The following PRP4K variants were observed in gnomAD, a reference collection of about 807,000 sequenced individuals.
PRP4K encodes pre-mRNA processing factor kinase PRP4K, also known as serine/threonine-protein kinase PRP4 homolog.
At chr6:4,052,995 A>G in the PRP4K span, 4 of 844,150 alleles carry the variant, frequency 4.7e-6, no homozygotes, top group Non-Finnish European at 5.0e-6. Context: ...TTAATAACCT[A>G]TTTCAAATGA....
chr6:4,032,269 A>G, the PRP4K span: 13 of 1,612,836 alleles, frequency 8.1e-6, no homozygotes, highest in African/African-American at 1.7e-4. Flanking sequence ...TCTCAAGAGA[A>G]AATTGGTAAG....
At chr6:4,027,310 T>G in the PRP4K span, among the ~76,000 whole-genome samples, 1 of 152,178 alleles carries the variant, frequency 6.6e-6, no homozygotes, top group Non-Finnish European at 1.5e-5. Flanking sequence ...CCTTTTATAC[T>G]ATGAACTCAT....
the PRP4K span, chr6:4,060,820 CTG>C: frequency 3.4e-6 from 2 of 593,854 alleles, no homozygotes; most frequent in Non-Finnish European, 5.8e-6. This position sits in a 1 kb window ranked among gnomAD's most constrained non-coding sequence, Gnocchi z 4.7. Flanking sequence ...TCACTGTAGA[CTG>C]TTTTAAATTG....
the PRP4K span, among the ~76,000 whole-genome samples, chr6:4,053,903 T>TTTTTGTTCTG: frequency 1.0e-4 from 15 of 149,506 alleles, no homozygotes; most frequent in African/African-American, 3.7e-4. Context: ...TCTTTTGTTT[T>TTTTTGTTCTG]TTTTGTTTTG....
the PRP4K span, chr6:4,061,590 G>A: frequency 6.6e-6 from 1 of 152,484 alleles, no homozygotes; most frequent in Non-Finnish European, 1.5e-5. Context: ...ACTGCTTTAT[G>A]GTAAAAGTGT....
At chr6:4,022,226 G>C in the PRP4K span, among the ~76,000 whole-genome samples, 11,411 of 141,266 alleles carry the variant, frequency 0.081, 517 homozygotes, top group Non-Finnish European at 0.097. Context: ...GGAGTAGTGG[G>C]AATTGCTAGC....
the PRP4K span, chr6:4,062,465 G>A: frequency 6.6e-6 from 1 of 152,586 alleles, no homozygotes; most frequent in African/African-American, 2.4e-5. The surrounding 1 kb of genome is among the most constrained non-coding windows in gnomAD (Gnocchi z 4.2). Context: ...TAAAATTAAT[G>A]CTTGTCTCCC....
chr6:4,032,968 A>G, the PRP4K span, among the ~76,000 whole-genome samples: 4 of 152,320 alleles, frequency 2.6e-5, no homozygotes, highest in South Asian at 2.1e-4. Context: ...GTGTTTAACA[A>G]ATACTGAGCT....
chr6:4,040,317 A>T, the PRP4K span, among the ~76,000 whole-genome samples: 1 of 152,152 alleles, frequency 6.6e-6, no homozygotes, highest in East Asian at 1.9e-4. Context: ...TTTGACAGAC[A>T]CATAAGTCAC....
At chr6:4,032,286 TCTC>T in the PRP4K span, 1 of 1,613,288 alleles carries the variant, frequency 6.2e-7, no homozygotes, top group Non-Finnish European at 8.5e-7. Context: ...TAAGGCCAGA[TCTC>T]CTACTGATGA....
chr6:4,038,998 C>T, the PRP4K span, among the ~76,000 whole-genome samples: 6 of 145,278 alleles, frequency 4.1e-5, no homozygotes, highest in South Asian at 8.7e-4. Context: ...ACATTTTATT[C>T]ATGTTTTCTG....
At chr6:4,026,463 C>G in the PRP4K span, among the ~76,000 whole-genome samples, 1 of 151,768 alleles carries the variant, frequency 6.6e-6, no homozygotes, top group Non-Finnish European at 1.5e-5. Context: ...CCATTATGCC[C>G]GGCTAGTTTT....
the PRP4K span, among the ~76,000 whole-genome samples, chr6:4,024,538 CACTAAG>C: frequency 0.44 from 66,709 of 151,418 alleles, 16,688 homozygotes; most frequent in East Asian, 0.61. Flanking sequence ...CAAATAAATT[CACTAAG>C]ACTATTGTTT....
the PRP4K span, among the ~76,000 whole-genome samples, chr6:4,051,390 C>CTG: frequency 6.6e-6 from 1 of 152,100 alleles, no homozygotes; most frequent in Non-Finnish European, 1.5e-5. Flanking sequence ...CTCAGCTCAA[C>CTG]TGCAAACCCT....
chr6:4,043,952 G>A, the PRP4K span: 9 of 1,614,014 alleles, frequency 5.6e-6, no homozygotes, highest in African/African-American at 1.3e-5. Context: ...GAGTATGAAC[G>A]GGAAAATGTT....
the PRP4K span, chr6:4,021,573 T>C: frequency 1.4e-6 from 2 of 1,481,164 alleles, no homozygotes; most frequent in Non-Finnish European, 1.8e-6. Context: ...AGTCAAACTT[T>C]GCTTTTTCCG....
the PRP4K span, among the ~76,000 whole-genome samples, chr6:4,051,339 G>A: frequency 4.8e-4 from 73 of 152,138 alleles, no homozygotes; most frequent in Non-Finnish European, 7.9e-4. Flanking sequence ...TTGAGATGGA[G>A]TTTTGCTCTT....
the PRP4K span, chr6:4,032,351 A>G: frequency 6.2e-7 from 1 of 1,614,056 alleles, no homozygotes; most frequent in African/African-American, 1.3e-5. Flanking sequence ...AAAAATCCCC[A>G]ATTATAAATG....
the PRP4K span, chr6:4,056,457 G>T: frequency 6.2e-7 from 1 of 1,612,246 alleles, no homozygotes; most frequent in South Asian, 1.1e-5. Flanking sequence ...AATGTTCTTT[G>T]ACCTGGGCCA....
Sources: gnomAD v4.1 joint callset for allele counts (sites outside exome capture counted in the v4.1 genomes callset) on GRCh38, gnomAD v4.1.1 for gene constraint, Gnocchi (gnomAD v3.1) non-coding constraint, MANE v1.5 for transcripts, NCBI Gene and HGNC (gene_info 2026-07-23, HGNC 2026-07-21) for gene names.